Variants in COG6 observed in about 807,000 individuals in gnomAD.
COG6 encodes the protein conserved oligomeric Golgi complex subunit 6.
A neutral mutation model predicts 88.8 loss-of-function variants in COG6; 74 were observed. That is an observed-to-expected ratio of 0.83 (90% CI 0.69 to 1.01). COG6 has a LOEUF of 1.01. COG6 is among the 50% of genes least tolerant of loss of function. The pLI is 0.00. For missense variants in COG6, 800 were observed against 797.9 expected (o/e 1.00, Z -0.03); for synonymous variants, 286 against 278.7 (o/e 1.03, Z -0.26).
Position 39,787,904 on chromosome 13 carries a change from G to C in COG6, c.1827-431G>C, listed in dbSNP as rs554557579. Among the ~76,000 whole-genome samples, 5 of 152,258 alleles carry C rather than the reference G, an allele frequency of 3.3e-5. No individual in the cohort carries two copies. The East Asian group carries it at 9.6e-4, about 29-fold the overall frequency. ...GTGACTTGGGCATCTGTGGATTTTGGTATCTGTGGGGATCCTGGAACCAAT... is the reference window on the plus strand; with the variant it reads ...GTGACTTGGGCATCTGTGGATTTTGCTATCTGTGGGGATCCTGGAACCAAT... On this transcript the variant is annotated intron_variant, in intron 18 of 18. Coordinates refer to the COG6 transcript ENST00000416691.
chr13:39,736,068 T>C (rs1879725942), intron 18 of COG6, among the ~76,000 whole-genome samples: 1 of 152,150 alleles, frequency 6.6e-6, no homozygotes, highest in Non-Finnish European at 1.5e-5. Flanking sequence ...GAAAGTTCTC[T>C]GTTATCCCGT....
chr13:39,675,960 A>G (rs1479848887), intron 4 of COG6, among the ~76,000 whole-genome samples: 3 of 152,162 alleles, frequency 2.0e-5, no homozygotes, highest in Non-Finnish European at 4.4e-5. Flanking sequence ...ATGATTATAT[A>G]TATTTATGGG....
intron 13 of COG6, among the ~76,000 whole-genome samples, chr13:39,705,269 G>T (rs1306123041): frequency 6.6e-6 from 1 of 152,064 alleles, no homozygotes; most frequent in African/African-American, 2.4e-5. Flanking sequence ...GATTGCTTTT[G>T]TGCTTTTAAA....
At chr13:39,699,137 T>G (rs1593434411) in intron 12 of COG6, among the ~76,000 whole-genome samples, 1 of 151,802 alleles carries the variant, frequency 6.6e-6, no homozygotes, top group African/African-American at 2.4e-5. Context: ...GTTGATTCAG[T>G]GCTCTTCTTA....
At chr13:39,762,721 TG>T (rs1881054733) in intron 18 of COG6, among the ~76,000 whole-genome samples, 2 of 151,520 alleles carry the variant, frequency 1.3e-5, no homozygotes, top group African/African-American at 4.8e-5. Context: ...GATTTTTCTT[TG>T]AGTTTTCTCT....
At chr13:39,781,341 A>G (rs958718562) in intron 18 of COG6, among the ~76,000 whole-genome samples, 9 of 152,210 alleles carry the variant, frequency 5.9e-5, no homozygotes, top group Admixed American at 5.9e-4. Context: ...ATCAGTTGAC[A>G]GGTTAGAGAA....
chr13:39,711,144 T>A (rs949261795), intron 13 of COG6, among the ~76,000 whole-genome samples: 1 of 152,130 alleles, frequency 6.6e-6, no homozygotes, highest in African/African-American at 2.4e-5. Flanking sequence ...TTGAAAAGTT[T>A]AAAGCATATG....
At chr13:39,730,166 T>G (rs1437996079) in intron 18 of COG6, among the ~76,000 whole-genome samples, 1 of 152,156 alleles carries the variant, frequency 6.6e-6, no homozygotes, top group Non-Finnish European at 1.5e-5. Context: ...TTAAAATTAT[T>G]TTATGATATG....
intron 18 of COG6, among the ~76,000 whole-genome samples, chr13:39,786,082 T>C (rs563835014): frequency 6.6e-5 from 10 of 152,138 alleles, no homozygotes; most frequent in Non-Finnish European, 1.5e-4. Flanking sequence ...GCAGGAAACA[T>C]AGGAGCACTC....
Position 39,719,286 on chromosome 13 carries a change from A to G in COG6, c.1335A>G (p.Thr445=). ...DLGPSSALNQ[T]LMLLREVLAS... Reference sequence around the variant, plus strand: ...GACCAAGTTCTGCACTAAATCAGACACTCATGTTGCTGCGTGAAGTTTTAG... The same window carrying G: ...GACCAAGTTCTGCACTAAATCAGACGCTCATGTTGCTGCGTGAAGTTTTAG... Residue 445 remains threonine (T), a synonymous_variant, in exon 14 of 19, where the codon ACA becomes ACG. Transcript: ENST00000455146. 3.1e-6 allele frequency: 5 copies of G among 1,612,794 alleles called. No homozygotes were observed. In the Middle Eastern group the frequency reaches 5.0e-4, roughly 160 times the overall value.
intron 13 of COG6, among the ~76,000 whole-genome samples, chr13:39,707,592 G>A (rs567075583): frequency 3.9e-4 from 59 of 152,044 alleles, no homozygotes; most frequent in Non-Finnish European, 6.9e-4. Context: ...ATCTAACCCC[G>A]GTGTAAACTG....
At chr13:39,713,252 T>C (rs918158021) in intron 13 of COG6, among the ~76,000 whole-genome samples, 2 of 152,170 alleles carry the variant, frequency 1.3e-5, no homozygotes, top group African/African-American at 4.8e-5. Flanking sequence ...AGTTCATAAA[T>C]TGTTTGTTTC....
Position 39,751,313 on chromosome 13 carries a change from T to C in COG6, c.*220T>C. 1 of 1,487,248 alleles carries C rather than the reference T, an allele frequency of 6.7e-7. No individual in the cohort carries two copies. Among genetic ancestry groups the C allele is most frequent in the Non-Finnish European group, 8.9e-7 (1 of 1,118,658 alleles). 92.1% of individuals were successfully genotyped at this position (1,487,248 alleles called of 1,614,324 possible). ...TGCTGTGTATCTACTCTAAATGAGA[T>C]GATCTATTTTTTTGCTAGCCATCTC... On this transcript the variant is annotated 3_prime_UTR_variant, in exon 19 of 19. Transcript: ENST00000455146.
chr13:39,731,517 A>T (rs1879453002), intron 18 of COG6, among the ~76,000 whole-genome samples: 1 of 152,232 alleles, frequency 6.6e-6, no homozygotes, highest in Non-Finnish European at 1.5e-5. Context: ...ACAGTTGTGC[A>T]TATATAAAAT....
chr13:39,665,550 C>T (rs1177294428), intron 4 of COG6, among the ~76,000 whole-genome samples: 1 of 151,566 alleles, frequency 6.6e-6, no homozygotes, highest in Non-Finnish European at 1.5e-5. Flanking sequence ...TGTATAAATT[C>T]TCCTTGTAGT....
chr13:39,658,483 T>C (rs1194158046), intron 1 of COG6, among the ~76,000 whole-genome samples: 1 of 152,168 alleles, frequency 6.6e-6, no homozygotes, highest in African/African-American at 2.4e-5. Context: ...GCCATCTTGG[T>C]CTAAGCCACT....
chr13:39,719,211 G>C, intron 13 of COG6, 25 bp from the exon 14 acceptor site: 1 of 1,609,916 alleles, frequency 6.2e-7, no homozygotes, highest in Non-Finnish European at 8.5e-7. Flanking sequence ...AATATAAGGA[G>C]TGGGTAAATC....
Position 39,719,442 on chromosome 13 carries a change from G to T in COG6, c.1416+75G>T, listed in dbSNP as rs533909799. 1.5e-5 allele frequency: 22 copies of T among 1,431,238 alleles called. No individual in the cohort carries two copies. The Admixed American group carries it at 2.6e-4, about 17-fold the overall frequency. The allele number at this position is 1,431,238 out of a possible 1,614,324, so 88.7% of individuals were successfully genotyped here. A position where few individuals can be genotyped will look rare whatever the true frequency, so the allele number is the denominator to read the frequency against. On this transcript the variant is annotated intron_variant, in intron 14 of 18. Transcript: ENST00000455146. ...CACTGTGTTTCAATTCTGGAATTTT[G>T]TAATTCATATACTTTGACAGTCTCT...
chr13:39,739,082 T>C (rs1244233607), intron 18 of COG6, among the ~76,000 whole-genome samples: 1 of 152,100 alleles, frequency 6.6e-6, no homozygotes, highest in East Asian at 1.9e-4. Flanking sequence ...ACATTGTTTT[T>C]AAGTACGGAT....
Sources: gnomAD v4.1 joint callset for allele counts (sites outside exome capture counted in the v4.1 genomes callset) on GRCh38, gnomAD v4.1.1 for gene constraint, MANE v1.5 for transcripts, NCBI Gene and HGNC (gene_info 2026-07-23, HGNC 2026-07-21) for gene names.